The following SHANK2 variants were observed in gnomAD, a reference collection of about 807,000 sequenced individuals.
SHANK2 encodes SH3 and multiple ankyrin repeat domains protein 2.
SHANK2 carries 43 observed loss-of-function variants against 133.7 expected under a neutral mutation model. The ratio of observed to expected loss-of-function variants is 0.32; its 90% confidence interval spans 0.25 to 0.41. SHANK2 has a LOEUF of 0.41. Ranked by LOEUF, SHANK2 falls within the 10% of genes least tolerant of loss-of-function variation. The pLI, the probability that SHANK2 is intolerant of heterozygous loss-of-function variation, is 1.00. For missense variants in SHANK2, 1,994 were observed against 2,235.8 expected (o/e 0.89, Z 2.18); for synonymous variants, 1,017 against 952.8 (o/e 1.07, Z -1.24).
intron 10 of SHANK2, among the ~76,000 whole-genome samples, chr11:70,905,203 C>T (rs116289604): frequency 0.024 from 3,597 of 152,192 alleles, 132 homozygotes; most frequent in African/African-American, 0.083. Context: ...GGTTGGTCCT[C>T]GCCACAGTTC....
chr11:71,227,226 A>G (rs1286804871), intron 1 of SHANK2, among the ~76,000 whole-genome samples: 2 of 152,172 alleles, frequency 1.3e-5, no homozygotes, highest in Non-Finnish European at 2.9e-5. Flanking sequence ...GGCCTAATGT[A>G]TCAATAATTG....
chr11:71,065,997 C>T (rs1184457647), intron 9 of SHANK2, among the ~76,000 whole-genome samples: 4 of 101,332 alleles, frequency 3.9e-5, no homozygotes, highest in Non-Finnish European at 7.5e-5. Context: ...GAGGGGAGTA[C>T]AGAACTCTCC....
chr11:70,595,309 G>T (rs974278949), intron 17 of SHANK2, among the ~76,000 whole-genome samples: 1 of 152,148 alleles, frequency 6.6e-6, no homozygotes, highest in African/African-American at 2.4e-5. Context: ...CCCTCCAAGC[G>T]CCCCCTCGCA....
rs1555022889 is a variant in SHANK2 at position 70,698,688 on chromosome 11, C to T, written c.1853G>A (p.Ser618Asn). The change falls in exon 15 of 26, where the codon AGT (serine) becomes AAT (asparagine). Residue 618 changes from serine to asparagine, a missense_variant and splice_region_variant. By Grantham distance (46) the Ser-to-Asn change is conservative. Around this residue, in one of 5 missense-constraint regions of SHANK2, gnomAD observed 653 missense variants for 563.4 expected, o/e 1.16. Coordinates refer to ENST00000601538, the MANE Select transcript of SHANK2 (RefSeq NM_012309.5). ...VGSYDSFDTS[S>N]DCIIEEKTVV... ...TGGAAGAGAAAGCAGCGCGTCTTAC[C>T]TGGAAGTGTCGAAGCTGTCATAGGA... 9.7e-6 allele frequency: 7 copies of T among 718,622 alleles called. No homozygotes were observed. Among genetic ancestry groups the T allele is most frequent in the Non-Finnish European group, 1.6e-5 (6 of 385,102 alleles). 44.5% of individuals were successfully genotyped at this position (718,622 alleles called of 1,614,324 possible).
intron 14 of SHANK2, among the ~76,000 whole-genome samples, chr11:70,729,740 A>G (rs1212776561): frequency 4.7e-5 from 7 of 150,304 alleles, no homozygotes; most frequent in Non-Finnish European, 7.4e-5. Context: ...TCACCATGTT[A>G]GCCAGGATGG....
intron 17 of SHANK2, among the ~76,000 whole-genome samples, chr11:70,639,492 C>A (rs185974104): frequency 3.6e-4 from 55 of 152,228 alleles, no homozygotes; most frequent in African/African-American, 1.2e-3. Flanking sequence ...ATGACCTCAT[C>A]CCCTCCTGAA....
intron 11 of SHANK2, among the ~76,000 whole-genome samples, chr11:70,867,473 T>C (rs1315522813): frequency 6.6e-6 from 1 of 152,010 alleles, no homozygotes; most frequent in Non-Finnish European, 1.5e-5. Context: ...GAGTACGGCA[T>C]GCGCATGAGG....
intron 11 of SHANK2, among the ~76,000 whole-genome samples, chr11:70,835,034 G>A (rs201183656): frequency 1.3e-5 from 2 of 152,168 alleles, no homozygotes; most frequent in East Asian, 3.9e-4. Context: ...AGGTGGGTCT[G>A]ACCACAAAGA....
intron 11 of SHANK2, chr11:70,863,006 G>A (rs1949286270): frequency 1.9e-5 from 6 of 316,144 alleles, no homozygotes; most frequent in South Asian, 1.7e-4. Flanking sequence ...TAAAAGGTGT[G>A]AGCTGGTGGG....
chr11:70,953,757 A>T (rs1950877850), intron 10 of SHANK2, among the ~76,000 whole-genome samples: 1 of 152,134 alleles, frequency 6.6e-6, no homozygotes. Flanking sequence ...ACACCCTCAG[A>T]CACACCCAGA....
chr11:70,905,389 G>A (rs920660929), intron 10 of SHANK2, among the ~76,000 whole-genome samples: 2 of 152,142 alleles, frequency 1.3e-5, no homozygotes, highest in East Asian at 1.9e-4. Flanking sequence ...CACTGAACTT[G>A]GCCTGCTGTG....
chr11:70,764,708 T>C (rs1486030008), intron 14 of SHANK2, among the ~76,000 whole-genome samples: 18 of 149,406 alleles, frequency 1.2e-4, no homozygotes, highest in African/African-American at 4.5e-4. Context: ...CATCAATCCA[T>C]CCATCATCCA....
At chr11:70,593,971 G>A (rs1441877705) in intron 17 of SHANK2, among the ~76,000 whole-genome samples, 1 of 152,176 alleles carries the variant, frequency 6.6e-6, no homozygotes, top group African/African-American at 2.4e-5. Flanking sequence ...CGTGGAGGGT[G>A]TGAGGAAGGG....
intron 14 of SHANK2, among the ~76,000 whole-genome samples, chr11:70,729,552 T>G (rs1591793197): frequency 6.8e-6 from 1 of 146,360 alleles, no homozygotes. Flanking sequence ...TGAGATGGAG[T>G]CTCACTCTGT....
chr11:70,486,974 G>A lies in SHANK2; in HGVS notation c.3319C>T (p.Leu1107=), dbSNP rs781972343. ...RNSPAFLSTD[L]GDEDVGLGPP... ...CCCAGGCCCACATCCTCATCCCCCAGGTCTGTGGAGAGGAAGGCCGGGGAG... is the reference window on the plus strand; with the variant it reads ...CCCAGGCCCACATCCTCATCCCCCAAGTCTGTGGAGAGGAAGGCCGGGGAG... Residue 1107 remains leucine, a synonymous_variant, in exon 25 of 26, where the codon CTG becomes TTG. Coordinates refer to ENST00000601538, the MANE Select transcript of SHANK2 (RefSeq NM_012309.5). The surrounding 1 kb of genome is among the most constrained non-coding windows in gnomAD (Gnocchi z 8.0). 2 of 1,612,100 alleles carry A rather than the reference G, an allele frequency of 1.2e-6. No individual in the cohort carries two copies. Among genetic ancestry groups the A allele is most frequent in the Non-Finnish European group, 8.5e-7 (1 of 1,179,816 alleles).
At chr11:71,218,338 C>T (rs190632448) in intron 2 of SHANK2, among the ~76,000 whole-genome samples, 4 of 144,250 alleles carry the variant, frequency 2.8e-5, no homozygotes, top group African/African-American at 1.0e-4. Flanking sequence ...AACCTTGCCT[C>T]ACCGCAACCT....
chr11:70,609,028 C>T (rs2060618726), intron 17 of SHANK2, among the ~76,000 whole-genome samples: 1 of 152,236 alleles, frequency 6.6e-6, no homozygotes, highest in Non-Finnish European at 1.5e-5. Context: ...TGGGATGAAA[C>T]GGGAGACGTC....
chr11:71,122,259 A>G (rs1449031735), intron 3 of SHANK2, among the ~76,000 whole-genome samples: 2 of 152,254 alleles, frequency 1.3e-5, no homozygotes, highest in African/African-American at 4.8e-5. Flanking sequence ...ATGTCCATCA[A>G]TGATAGACTG....
At chr11:71,197,959 G>A (rs1158874936) in intron 2 of SHANK2, among the ~76,000 whole-genome samples, 3 of 152,300 alleles carry the variant, frequency 2.0e-5, no homozygotes, top group African/African-American at 7.2e-5. Flanking sequence ...AAACTCCAGC[G>A]TCAGAGAAGT....
Sources: allele counts gnomAD v4.1 joint callset (sites outside exome capture counted in the v4.1 genomes callset), GRCh38; gene constraint gnomAD v4.1.1; regional missense constraint gnomAD v4.1.1; non-coding constraint Gnocchi (gnomAD v3.1); transcripts MANE v1.5; gene names NCBI Gene and HGNC (gene_info 2026-07-23, HGNC 2026-07-21).